The following AHCTF1 variants were observed in gnomAD, a reference collection of about 807,000 sequenced individuals.
AHCTF1 encodes AT-hook containing transcription factor 1, also known as protein ELYS.
AHCTF1 carries 24 observed loss-of-function variants against 248.4 expected under a neutral mutation model. That is an observed-to-expected ratio of 0.10 (90% CI 0.07 to 0.14). The LOEUF (loss-of-function observed/expected upper bound fraction) is 0.14, where lower values mean the gene tolerates loss of function less well. Among genes scored for constraint, AHCTF1 ranks in the 10% least tolerant of loss-of-function variants. AHCTF1 has a pLI of 1.00. For missense variants in AHCTF1, 2,206 were observed against 2,636.2 expected (o/e 0.84, Z 3.57); for synonymous variants, 786 against 929.8 (o/e 0.85, Z 2.81).
intron 33 of AHCTF1, among the ~76,000 whole-genome samples, chr1:246,846,127 G>A (rs1346838711): frequency 6.8e-6 from 1 of 147,096 alleles, no homozygotes; most frequent in Non-Finnish European, 1.5e-5. Context: ...TATATAGCAG[G>A]CCCTTCTTAA....
chr1:246,927,155 GC>G (rs1666989550), intron 1 of AHCTF1, among the ~76,000 whole-genome samples: 1 of 151,424 alleles, frequency 6.6e-6, no homozygotes, highest in Admixed American at 6.6e-5. Flanking sequence ...TCCAGCCTGG[GC>G]GACAGAGCGA....
At chr1:246,900,579 T>C in intron 8 of AHCTF1, 110 bp from the exon 9 acceptor site, 2 of 1,140,096 alleles carry the variant, frequency 1.8e-6, no homozygotes, top group Non-Finnish European at 2.4e-6. Context: ...TAATTCATAT[T>C]TCACTTGATT....
chr1:246,887,316 G>C lies in AHCTF1; in HGVS notation c.2367C>G (p.Asn789Lys). 2 of 1,613,130 alleles carry C rather than the reference G, an allele frequency of 1.2e-6. No homozygotes were observed. The highest frequency in any genetic ancestry group is 1.7e-6 in the Non-Finnish European group (2 of 1,179,570). ...LLLDIMYSFPNKTDTPIESFP... is the reference protein window; with the variant it reads ...LLLDIMYSFPKKTDTPIESFP... ...AAGATTCAATGGGAGTGTCTGTTTT[G>C]TTGGGAAAGGAATACATAATATCAA... The change falls in exon 20 of 36, where the codon AAC becomes AAG. Residue 789 changes from asparagine (N) to lysine (K), a missense_variant. By Grantham distance (94) the Asn-to-Lys change is moderately conservative. Coordinates refer to ENST00000648844, the MANE Select transcript of AHCTF1 (RefSeq NM_001323342.2).
Position 246,843,884 on chromosome 1 carries a change from C to G in AHCTF1, c.6436G>C (p.Asp2146His). 6.7e-7 allele frequency: 1 copy of G among 1,502,724 alleles called. No homozygotes were observed. Among genetic ancestry groups the G allele is most frequent in the South Asian group, 1.5e-5 (1 of 68,656 alleles). The allele number at this position is 1,502,724 out of a possible 1,614,324, so 93.1% of individuals were successfully genotyped here. The change falls in exon 34 of 36, where the codon GAT (aspartate) becomes CAT (histidine). Residue 2146 changes from aspartate to histidine, a missense_variant. Asp to His is a moderately conservative substitution (Grantham distance 81). Transcript: ENST00000648844. ...VPAQLKELVS[D>H]LSSQFVISPP... ...GAGATGACAAACTGAGAAGATAAATCCGAAACTAATTCTTTCAGCTGTGCA... is the reference window on the plus strand; with the variant it reads ...GAGATGACAAACTGAGAAGATAAATGCGAAACTAATTCTTTCAGCTGTGCA...
chr1:246,903,653 C>CCG (rs1491456184), intron 7 of AHCTF1, among the ~76,000 whole-genome samples: 3 of 92,616 alleles, frequency 3.2e-5, no homozygotes, highest in African/African-American at 1.5e-4. Context: ...GATGGTGAGA[C>CCG]CCCCCCCCCT....
At chr1:246,880,565 C>T (rs1275866607) in intron 21 of AHCTF1, among the ~76,000 whole-genome samples, 1 of 129,422 alleles carries the variant, frequency 7.7e-6, no homozygotes, top group African/African-American at 3.0e-5. Flanking sequence ...GAGACTCCAG[C>T]TCAAAAAAAA....
At chr1:246,909,111 T>TTA (rs1553302589) in intron 4 of AHCTF1, among the ~76,000 whole-genome samples, 4 of 99,704 alleles carry the variant, frequency 4.0e-5, no homozygotes, top group Non-Finnish European at 6.1e-5. Context: ...ATCTATCTAT[T>TTA]TATATATATA....
intron 1 of AHCTF1, among the ~76,000 whole-genome samples, chr1:246,927,998 C>G (rs1285782043): frequency 6.6e-6 from 1 of 151,652 alleles, no homozygotes; most frequent in Non-Finnish European, 1.5e-5. Flanking sequence ...GACTCCGCCA[C>G]CAAAAAATTA....
At chr1:246,886,805 A>T (rs1033697421) in intron 20 of AHCTF1, among the ~76,000 whole-genome samples, 9 of 152,216 alleles carry the variant, frequency 5.9e-5, no homozygotes, top group African/African-American at 2.2e-4. Flanking sequence ...ACTGTATTTT[A>T]AAGAATAAAA....
intron 1 of AHCTF1, among the ~76,000 whole-genome samples, chr1:246,925,917 T>C (rs1311091689): frequency 1.3e-5 from 2 of 152,016 alleles, no homozygotes; most frequent in Non-Finnish European, 2.9e-5. Flanking sequence ...GAAAAATAAT[T>C]AGCCAGGTGT....
chr1:246,868,996 C>A (rs565931696), intron 24 of AHCTF1, among the ~76,000 whole-genome samples: 2 of 151,072 alleles, frequency 1.3e-5, no homozygotes, highest in Non-Finnish European at 2.9e-5. Context: ...AGGCGCCCGC[C>A]ACCATGCCTG....
rs147139190 is a variant in AHCTF1 at position 246,913,756 on chromosome 1, A to G, written c.376-344T>C. Among the ~76,000 whole-genome samples, 485 of 152,334 alleles carry G rather than the reference A, an allele frequency of 3.2e-3. 5 individuals carry two copies. Among genetic ancestry groups the G allele is most frequent in the African/African-American group, 0.01 (423 of 41,576 alleles). On this transcript the variant is annotated intron_variant, in intron 3 of 35. Transcript: ENST00000648844. ...TTCTCTTTAAAGATGAAATAACCTG[A>G]GGCTTAGAAAGTCAGTCTAGTTATT...
intron 11 of AHCTF1, among the ~76,000 whole-genome samples, 183 bp downstream of exon 11, chr1:246,899,268 C>T (rs1032594580): frequency 5.3e-5 from 8 of 152,106 alleles, no homozygotes; most frequent in African/African-American, 1.4e-4. Flanking sequence ...ACATACAATA[C>T]GTCTTCCGGC....
intron 6 of AHCTF1, 49 bp from the exon 7 acceptor site, chr1:246,904,082 C>T (rs546042676): frequency 1.0e-5 from 15 of 1,469,050 alleles, no homozygotes; most frequent in South Asian, 5.7e-5. Flanking sequence ...ATACATTAAA[C>T]ATCTCTTACT....
chr1:246,874,237 A>G (rs1029378093), intron 24 of AHCTF1, among the ~76,000 whole-genome samples: 3 of 152,290 alleles, frequency 2.0e-5, no homozygotes, highest in Admixed American at 2.0e-4. Context: ...GACTGAGACC[A>G]TCTTTGAGGT....
chr1:246,870,316 G>A (rs138162884), intron 24 of AHCTF1, among the ~76,000 whole-genome samples: 221 of 152,186 alleles, frequency 1.5e-3, no homozygotes, highest in Admixed American at 2.9e-3. Flanking sequence ...TCAGCCACTC[G>A]GAAAGCTGAG....
intron 7 of AHCTF1, among the ~76,000 whole-genome samples, chr1:246,903,721 C>A (rs929694649): frequency 2.0e-5 from 3 of 150,106 alleles, no homozygotes; most frequent in African/African-American, 5.0e-5. Context: ...CACCTGTAAT[C>A]CCAGCTACTC....
chr1:246,871,165 A>C (rs1260791690), intron 24 of AHCTF1, among the ~76,000 whole-genome samples: 1 of 152,184 alleles, frequency 6.6e-6, no homozygotes, highest in East Asian at 1.9e-4. Flanking sequence ...GTGGCCACCA[A>C]AAGGCCCCCA....
At position 246,839,558 on chromosome 1, in the gene AHCTF1, T is replaced by C; in HGVS notation, c.*1248A>G. On this transcript the variant is annotated 3_prime_UTR_variant, in exon 36 of 36. Transcript: ENST00000648844. ...GACTAAAAGGCCGCACTCGCACTGC[T>C]TTCACACTGTCAACACTTTGCGTAG... The C allele has an allele frequency of 1.0e-6, 1 of 985,870 alleles. No individual in the cohort carries two copies. The highest frequency in any genetic ancestry group is 1.2e-6 in the Non-Finnish European group (1 of 829,918). The allele number at this position is 985,870 out of a possible 1,614,324, so 61.1% of individuals were successfully genotyped here. A position where few individuals can be genotyped will look rare whatever the true frequency, so the allele number is the denominator to read the frequency against.
Sources: gnomAD v4.1 joint callset for allele counts (sites outside exome capture counted in the v4.1 genomes callset) on GRCh38, gnomAD v4.1.1 for gene constraint, MANE v1.5 for transcripts, NCBI Gene and HGNC (gene_info 2026-07-23, HGNC 2026-07-21) for gene names.